Variants in ATG4C observed in about 807,000 individuals in gnomAD.
ATG4C encodes the protein cysteine protease ATG4C.
In ATG4C, 56 loss-of-function variants were observed where a neutral mutation model predicts 57.6. The observed-to-expected ratio is 0.97, with a 90% CI of 0.78 to 1.21. ATG4C has a LOEUF of 1.21. Ranked by LOEUF, ATG4C falls within the 50% of genes most tolerant of loss-of-function variation. ATG4C has a pLI of 0.00. For missense variants in ATG4C, 595 were observed against 529.8 expected, an observed-to-expected ratio of 1.12 and a Z score of -1.21; for synonymous variants, 157 against 174.1, an observed-to-expected ratio of 0.90 and a Z score of 0.78.
At position 62,805,281 on chromosome 1, in the gene ATG4C, T is replaced by C. The variant is rs965593150; in HGVS notation, c.160+26T>C. The C allele has an allele frequency of 8.1e-6, 12 of 1,482,154 alleles. No homozygotes were observed. The Admixed American group carries it at 2.0e-4, about 24-fold the overall frequency. The allele number at this position is 1,482,154 out of a possible 1,614,324, so 91.8% of individuals were successfully genotyped here. ...GTAAGTACAAAATTTGTAAACCATT[T>C]AAAAATTTTTGTAGAAATCATCATG... On this transcript the variant is annotated intron_variant, in intron 3 of 10. Transcript: ENST00000317868.
intron 3 of ATG4C, among the ~76,000 whole-genome samples, chr1:62,806,593 G>A (rs1223223295): frequency 6.6e-6 from 1 of 152,020 alleles, no homozygotes; most frequent in Non-Finnish European, 1.5e-5. Context: ...CTATGAATGA[G>A]GGAAATAGAA....
intron 1 of ATG4C, among the ~76,000 whole-genome samples, chr1:62,786,686 T>C (rs925939851): frequency 6.6e-6 from 1 of 152,246 alleles, no homozygotes; most frequent in East Asian, 1.9e-4. Context: ...GACACTCTTC[T>C]AGGCCACAGT....
Position 62,805,194 on chromosome 1 carries a change from G to A in ATG4C, c.99G>A (p.Thr33=), listed in dbSNP as rs374677415. The A allele has an allele frequency of 1.1e-5, 17 of 1,517,564 alleles. No homozygotes were observed. The highest frequency in any genetic ancestry group is 1.7e-4 in the Middle Eastern group (1 of 5,736). The allele number at this position is 1,517,564 out of a possible 1,614,324, so 94.0% of individuals were successfully genotyped here. A position where few individuals can be genotyped will look rare whatever the true frequency, so the allele number is the denominator to read the frequency against. Residue 33 remains threonine, a synonymous_variant, in exon 3 of 11, where the codon ACG becomes ACA. Coordinates refer to ENST00000317868, the MANE Select transcript of ATG4C (RefSeq NM_032852.4). ...MKYSWVLKTK[T]YFSRNSPVLL... ...TAGGTTGGGTGTTGAAAACAAAGAC[G>A]TATTTTAGTAGAAATTCTCCTGTAT...
intron 2 of ATG4C, among the ~76,000 whole-genome samples, chr1:62,804,968 C>T (rs1664808903): frequency 6.6e-6 from 1 of 151,920 alleles, no homozygotes; most frequent in African/African-American, 2.4e-5. Context: ...GTTTAAAATT[C>T]TTAACTTTAT....
chr1:62,852,069 TATTC>T (rs543217655), intron 10 of ATG4C, among the ~76,000 whole-genome samples: 7 of 152,344 alleles, frequency 4.6e-5, no homozygotes, highest in South Asian at 2.1e-4. Flanking sequence ...CAATAATTTG[TATTC>T]ATTCATTCAT....
chr1:62,819,045 C>A lies in ATG4C; in HGVS notation c.435C>A (p.Asp145Glu). Residue 145 changes from aspartate to glutamate, a missense_variant, in exon 5 of 11, where the codon GAC (aspartate) becomes GAA (glutamate). Transcript: ENST00000317868. ...WPDALNIENS[D>E]SESWTSHTVK... ...ATGCTTTGAATATTGAAAATTCAGA[C>A]TCTGAATCATGGACTTCCCACACTG... 1.3e-6 allele frequency: 2 copies of A among 1,586,718 alleles called. No homozygotes were observed. The highest frequency in any genetic ancestry group is 8.6e-7 in the Non-Finnish European group (1 of 1,167,446).
intron 10 of ATG4C, among the ~76,000 whole-genome samples, chr1:62,845,876 AT>A (rs1247402292): frequency 6.6e-6 from 1 of 151,854 alleles, no homozygotes; most frequent in Non-Finnish European, 1.5e-5. Flanking sequence ...TAATTTTTGT[AT>A]TTTTAGTAGA....
chr1:62,847,433 T>G (rs1666358941), intron 10 of ATG4C, among the ~76,000 whole-genome samples: 1 of 152,110 alleles, frequency 6.6e-6, no homozygotes, highest in African/African-American at 2.4e-5. Flanking sequence ...ATTAAAAGTT[T>G]CATCGAGAAG....
At chr1:62,838,422 AG>A (rs2100341847) in intron 9 of ATG4C, among the ~76,000 whole-genome samples, 1 of 152,340 alleles carries the variant, frequency 6.6e-6, no homozygotes, top group South Asian at 2.1e-4. Context: ...GTTCTGCAAT[AG>A]ACAACGATTG....
At chr1:62,808,784 A>G (rs1181571165) in intron 3 of ATG4C, among the ~76,000 whole-genome samples, 1 of 152,194 alleles carries the variant, frequency 6.6e-6, no homozygotes, top group Non-Finnish European at 1.5e-5. Flanking sequence ...GTACGAATAG[A>G]AAGTAAAAGC....
intron 7 of ATG4C, among the ~76,000 whole-genome samples, chr1:62,831,490 T>C (rs1665837022): frequency 6.6e-6 from 1 of 152,196 alleles, no homozygotes; most frequent in Non-Finnish European, 1.5e-5. Context: ...CTACATTGTA[T>C]GAGAAGAAGG....
intron 7 of ATG4C, 43 bp downstream of exon 7, chr1:62,829,219 A>G: frequency 1.9e-6 from 3 of 1,596,402 alleles, no homozygotes; most frequent in Non-Finnish European, 1.7e-6. Context: ...ATACTAGCTA[A>G]TATGAAAAAT....
At chr1:62,792,568 G>A (rs1161232681) in intron 1 of ATG4C, among the ~76,000 whole-genome samples, 4 of 152,190 alleles carry the variant, frequency 2.6e-5, no homozygotes, top group African/African-American at 9.6e-5. Context: ...AAATCTAGTT[G>A]TTTAAAATTA....
At chr1:62,863,391 ATCT>A (rs1197651908) in intron 10 of ATG4C, among the ~76,000 whole-genome samples, 2 of 152,002 alleles carry the variant, frequency 1.3e-5, no homozygotes, top group African/African-American at 4.8e-5. Context: ...ATTGCTTTTG[ATCT>A]TCTTAACAGT....
At chr1:62,851,136 A>T (rs992914725) in intron 10 of ATG4C, among the ~76,000 whole-genome samples, 2 of 151,864 alleles carry the variant, frequency 1.3e-5, no homozygotes, top group African/African-American at 2.4e-5. Context: ...TCAGTGATTG[A>T]GTTATAGAAA....
chr1:62,864,271 C>A lies in ATG4C; in HGVS notation c.*112C>A. 2.3e-6 allele frequency: 2 copies of A among 870,616 alleles called. No homozygotes were observed. Among genetic ancestry groups the A allele is most frequent in the Non-Finnish European group, 3.4e-6 (2 of 592,090 alleles). The allele number at this position is 870,616 out of a possible 1,614,324, so 53.9% of individuals were successfully genotyped here. On this transcript the variant is annotated 3_prime_UTR_variant, in exon 11 of 11. Transcript: ENST00000317868. ...CACAAATATCTTAATTTTATATGTTCTTTAAAAAAGAACATTTGAAAATAT... is the reference window on the plus strand; with the variant it reads ...CACAAATATCTTAATTTTATATGTTATTTAAAAAAGAACATTTGAAAATAT...
rs775679166 is a variant in ATG4C, at chr1:62,834,072, T to C, written c.968T>C (p.Ile323Thr). ...ILSLEYCVGI[I>T]GGKPKQSYYF... Reference sequence around the variant, plus strand: ...AGCCTGGAATATTGTGTGGGTATTATTGGTGGCAAACCTAAACAGTCATAT... The same window carrying C: ...AGCCTGGAATATTGTGTGGGTATTACTGGTGGCAAACCTAAACAGTCATAT... Residue 323 changes from isoleucine to threonine, a missense_variant, in exon 8 of 11, where the codon ATT (isoleucine) becomes ACT (threonine). Physicochemically the swap from Ile to Thr is moderately conservative, Grantham distance 89. Coordinates refer to ENST00000317868, the MANE Select transcript of ATG4C (RefSeq NM_032852.4). 7.4e-6 allele frequency: 12 copies of C among 1,612,894 alleles called. No individual in the cohort carries two copies. In the South Asian group the frequency reaches 9.9e-5, roughly 13 times the overall value.
At chr1:62,849,267 T>G (rs1666426741) in intron 10 of ATG4C, among the ~76,000 whole-genome samples, 1 of 152,130 alleles carries the variant, frequency 6.6e-6, no homozygotes, top group Non-Finnish European at 1.5e-5. Flanking sequence ...GCTTTAAAAA[T>G]GAATTGTTTG....
At chr1:62,792,351 C>T (rs184283371) in intron 1 of ATG4C, among the ~76,000 whole-genome samples, 1 of 152,292 alleles carries the variant, frequency 6.6e-6, no homozygotes, top group Non-Finnish European at 1.5e-5. Flanking sequence ...CTCATTACCA[C>T]TCATAGACAG....
Sources: gnomAD v4.1 joint callset for allele counts (sites outside exome capture counted in the v4.1 genomes callset) on GRCh38, gnomAD v4.1.1 for gene constraint, MANE v1.5 for transcripts, NCBI Gene and HGNC (gene_info 2026-07-23, HGNC 2026-07-21) for gene names.